The following PLA2G4C variants were observed in gnomAD, a reference collection of about 807,000 sequenced individuals.
PLA2G4C encodes cytosolic phospholipase A2 gamma.
Under a neutral mutation model 73.8 loss-of-function variants are expected in PLA2G4C, and 64 were observed. The observed-to-expected ratio is 0.87, with a 90% CI of 0.71 to 1.07. The LOEUF (loss-of-function observed/expected upper bound fraction) is 1.07, where lower values mean the gene tolerates loss of function less well. Among genes scored for constraint, PLA2G4C ranks in the 50% least tolerant of loss-of-function variants. The pLI is 0.00. For missense variants in PLA2G4C, 622 were observed against 665.4 expected (o/e 0.93, Z 0.72); for synonymous variants, 254 against 252.1 (o/e 1.01, Z -0.07).
chr19:48,074,929 C>A, intron 11 of PLA2G4C, 55 bp from the exon 12 acceptor site: 1 of 1,126,276 alleles, frequency 8.9e-7, no homozygotes, highest in South Asian at 1.4e-5. Flanking sequence ...CTACCAAGAA[C>A]ATCACAGACC....
chr19:48,082,927 C>T (rs1311207550), intron 10 of PLA2G4C, among the ~76,000 whole-genome samples: 1 of 151,312 alleles, frequency 6.6e-6, no homozygotes, highest in East Asian at 1.9e-4. Flanking sequence ...CATTCTCCTG[C>T]CTCAGCCTCC....
At chr19:48,083,036 G>A (rs566150153) in intron 10 of PLA2G4C, among the ~76,000 whole-genome samples, 15 of 151,716 alleles carry the variant, frequency 9.9e-5, no homozygotes, top group African/African-American at 2.2e-4. Context: ...GGATGGTCTC[G>A]ATCTCCTGAC....
At chr19:48,069,731 A>T (rs1407038323) in intron 12 of PLA2G4C, among the ~76,000 whole-genome samples, 1 of 151,838 alleles carries the variant, frequency 6.6e-6, no homozygotes, top group Non-Finnish European at 1.5e-5. Flanking sequence ...TGACTTCATC[A>T]CTCATTAGCT....
intron 6 of PLA2G4C, chr19:48,097,244 C>CGTTTTTTTTT (rs1568449148): frequency 3.0e-5 from 2 of 66,632 alleles, no homozygotes; most frequent in African/African-American, 1.4e-4. Flanking sequence ...TTACTTTTTT[C>CGTTTTTTTTT]TTTTTTCTTT....
chr19:48,054,873 C>T lies in PLA2G4C; in HGVS notation c.1429+5G>A. 1 of 1,613,932 alleles carries T rather than the reference C, an allele frequency of 6.2e-7. No individual in the cohort carries two copies. The highest frequency in any genetic ancestry group is 8.5e-7 in the Non-Finnish European group (1 of 1,179,906). On this transcript the variant is annotated splice_donor_5th_base_variant and intron_variant, in intron 15 of 16. Coordinates refer to ENST00000599921, the MANE Select transcript of PLA2G4C (RefSeq NM_003706.3). ...GCTTCTCACCTGCTCCTCCCCTGCA[C>T]CTACCTCCACAGGCATCTATGTTGA...
intron 16 of PLA2G4C, among the ~76,000 whole-genome samples, chr19:48,050,828 C>G (rs1346555633): frequency 6.6e-6 from 1 of 151,926 alleles, no homozygotes; most frequent in Non-Finnish European, 1.5e-5. Flanking sequence ...GCATACACCA[C>G]CATGCCTTGC....
chr19:48,079,077 A>G (rs1431918337), intron 10 of PLA2G4C, among the ~76,000 whole-genome samples: 3 of 152,104 alleles, frequency 2.0e-5, no homozygotes, highest in Non-Finnish European at 4.4e-5. Flanking sequence ...CATGTTGGCC[A>G]GGCTGGTCTC....
intron 10 of PLA2G4C, among the ~76,000 whole-genome samples, chr19:48,084,520 A>T (rs1459134128): frequency 6.6e-6 from 1 of 152,122 alleles, no homozygotes; most frequent in Non-Finnish European, 1.5e-5. Flanking sequence ...GGCCTTTTGT[A>T]GCCAGGCCTG....
intron 16 of PLA2G4C, among the ~76,000 whole-genome samples, chr19:48,052,700 T>C: frequency 6.6e-6 from 1 of 152,110 alleles, no homozygotes; most frequent in East Asian, 1.9e-4. Flanking sequence ...ATACCATGAA[T>C]TCACACTTCC....
intron 14 of PLA2G4C, among the ~76,000 whole-genome samples, chr19:48,056,993 C>T (rs368450253): frequency 2.6e-5 from 4 of 151,700 alleles, no homozygotes; most frequent in African/African-American, 4.9e-5. Flanking sequence ...GGGTGGAGAG[C>T]GGGAGGAAGG....
intron 12 of PLA2G4C, among the ~76,000 whole-genome samples, chr19:48,070,065 G>A (rs1055305960): frequency 1.1e-4 from 17 of 152,078 alleles, no homozygotes; most frequent in Non-Finnish European, 2.2e-4. Flanking sequence ...CCACTGCACC[G>A]GGCCCCTGAG....
At chr19:48,085,003 A>G (rs1600219742) in intron 10 of PLA2G4C, 56 bp downstream of exon 10, 3 of 1,249,678 alleles carry the variant, frequency 2.4e-6, no homozygotes, top group East Asian at 4.6e-5. Context: ...AGTACTGTGA[A>G]TCTCCTTGCA....
intron 4 of PLA2G4C, among the ~76,000 whole-genome samples, chr19:48,102,562 A>G (rs1209756816): frequency 2.0e-5 from 3 of 152,206 alleles, no homozygotes; most frequent in African/African-American, 7.2e-5. Context: ...CTCATGTTAC[A>G]TAGCTCTACT....
rs1007788548 is a variant in PLA2G4C at position 48,072,002 on chromosome 19, C to T, written c.1006+2765G>A. ...CTCTACTAAAATTACAAAAATTAGC[C>T]GGGTGTGGTGGTGCATGCCTGTGGT... On this transcript the variant is annotated intron_variant, in intron 12 of 16. Coordinates refer to ENST00000599921, the MANE Select transcript of PLA2G4C (RefSeq NM_003706.3). This position sits in a 1 kb window ranked among gnomAD's most constrained non-coding sequence, Gnocchi z 4.4. Among the ~76,000 whole-genome samples, 3 of 150,572 alleles carry T rather than the reference C, an allele frequency of 2.0e-5. No individual in the cohort carries two copies. The highest frequency in any genetic ancestry group is 2.1e-4 in the East Asian group (1 of 4,868).
intron 13 of PLA2G4C, among the ~76,000 whole-genome samples, chr19:48,066,752 C>T (rs1329634635): frequency 1.3e-5 from 2 of 151,890 alleles, no homozygotes; most frequent in Non-Finnish European, 2.9e-5. Flanking sequence ...ATCGCTTGAG[C>T]CCAGGGGTTC....
chr19:48,055,941 T>A (rs905720865), intron 14 of PLA2G4C, among the ~76,000 whole-genome samples: 1 of 152,118 alleles, frequency 6.6e-6, no homozygotes, highest in African/African-American at 2.4e-5. Context: ...TACTTTTCAA[T>A]TGTCTACTTG....
At chr19:48,054,290 G>A (rs971256346) in intron 15 of PLA2G4C, among the ~76,000 whole-genome samples, 1 of 151,922 alleles carries the variant, frequency 6.6e-6, no homozygotes, top group African/African-American at 2.4e-5. Flanking sequence ...GAGTTCTCAC[G>A]AGACCTGATG....
At chr19:48,077,549 C>T (rs1164052601) in intron 11 of PLA2G4C, among the ~76,000 whole-genome samples, 1 of 152,124 alleles carries the variant, frequency 6.6e-6, no homozygotes, top group African/African-American at 2.4e-5. Context: ...AGTGTAATTC[C>T]TATCAAAATA....
Position 48,048,401 on chromosome 19 carries a change from G to A in PLA2G4C, c.1581-13C>T. 2 of 1,580,140 alleles carry A rather than the reference G, an allele frequency of 1.3e-6. No individual in the cohort carries two copies. The highest frequency in any genetic ancestry group is 1.7e-6 in the Non-Finnish European group (2 of 1,167,524). On this transcript the variant is annotated splice_polypyrimidine_tract_variant and intron_variant, in intron 16 of 16. Transcript: ENST00000599921. ...CGGGTAGTAGAGCCTGGGGAGAAAG[G>A]AAAGTTAGAAGTTACCACTGTGCTT...
Sources: allele counts gnomAD v4.1 joint callset (sites outside exome capture counted in the v4.1 genomes callset), GRCh38; gene constraint gnomAD v4.1.1; non-coding constraint Gnocchi (gnomAD v3.1); transcripts MANE v1.5; gene names NCBI Gene and HGNC (gene_info 2026-07-23, HGNC 2026-07-21).